Variants in FYB1 observed in about 807,000 individuals in gnomAD.
The protein encoded by FYB1 is FYN-binding protein 1.
FYB1 carries 41 observed loss-of-function variants against 94.1 expected under a neutral mutation model. The ratio of observed to expected loss-of-function variants is 0.44; its 90% CI spans 0.34 to 0.57. The LOEUF is 0.57. FYB1 is among the 20% of genes least tolerant of loss of function. FYB1 has a pLI of 0.02. For synonymous variants in FYB1, 367 were observed against 353.2 expected, an observed-to-expected ratio of 1.04 and a Z score of -0.44; for missense variants, 1,050 against 976.8, an observed-to-expected ratio of 1.07 and a Z score of -1.00.
At chr5:39,170,412 C>T (rs1184491843) in intron 2 of FYB1, 22 of 508,418 alleles carry the variant, frequency 4.3e-5, no homozygotes, top group South Asian at 1.4e-4. Flanking sequence ...CGTCCTGGGC[C>T]GGACCCCCTC....
chr5:39,270,184 C>T (rs1482053380), intron 1 of FYB1, among the ~76,000 whole-genome samples: 1 of 152,184 alleles, frequency 6.6e-6, no homozygotes, highest in East Asian at 1.9e-4. Flanking sequence ...CAATCACCAT[C>T]ATTAATGTTT....
At chr5:39,213,140 A>G (rs1749567305) in intron 1 of FYB1, 2 of 152,150 alleles carry the variant, frequency 1.3e-5, no homozygotes, top group African/African-American at 4.8e-5. Flanking sequence ...ATTTTAAAAT[A>G]ACATTTCACA....
chr5:39,176,482 A>G (rs1352764473), intron 2 of FYB1, among the ~76,000 whole-genome samples: 1 of 152,034 alleles, frequency 6.6e-6, no homozygotes, highest in African/African-American at 2.4e-5. Context: ...TAAGAACAAC[A>G]TGTTTAGAAA....
chr5:39,258,321 C>T (rs533372485), intron 1 of FYB1, among the ~76,000 whole-genome samples: 270 of 152,182 alleles, frequency 1.8e-3, no homozygotes, highest in African/African-American at 6.3e-3. Context: ...TGAAGCTAGC[C>T]GGGCGTGGTG....
chr5:39,254,066 G>T (rs115593878), intron 1 of FYB1, among the ~76,000 whole-genome samples: 1 of 152,136 alleles, frequency 6.6e-6, no homozygotes, highest in Non-Finnish European at 1.5e-5. Flanking sequence ...TGGTGTATAT[G>T]TACCACGTTT....
chr5:39,183,890 T>C (rs941589989), intron 2 of FYB1, among the ~76,000 whole-genome samples: 10 of 152,136 alleles, frequency 6.6e-5, no homozygotes, highest in African/African-American at 2.4e-4. Context: ...ATCTTCATTT[T>C]TAAAAAGCAT....
At chr5:39,135,496 C>T (rs1741605056) in intron 7 of FYB1, among the ~76,000 whole-genome samples, 1 of 152,120 alleles carries the variant, frequency 6.6e-6, no homozygotes, top group South Asian at 2.1e-4. Flanking sequence ...TAATAGCAAG[C>T]AAATGTTACA....
intron 6 of FYB1, chr5:39,138,077 C>A: frequency 4.4e-6 from 1 of 225,170 alleles, no homozygotes; most frequent in Non-Finnish European, 8.7e-6. Context: ...CACATATAAA[C>A]CTTGGCTCTG....
At chr5:39,139,425 G>T in intron 4 of FYB1, 173 bp from the exon 5 acceptor site, 1 of 497,084 alleles carries the variant, frequency 2.0e-6, no homozygotes, top group Admixed American at 4.3e-5. Flanking sequence ...TCTTTACTAT[G>T]GCTTTTATTT....
At chr5:39,108,091 A>G (rs1403638944) in intron 18 of FYB1, 140 bp downstream of exon 18, 1 of 763,926 alleles carries the variant, frequency 1.3e-6, no homozygotes, top group African/African-American at 1.8e-5. Flanking sequence ...ATGCCAGGGC[A>G]TTTACCTTTT....
At chr5:39,204,086 C>A (rs536000221) in intron 1 of FYB1, among the ~76,000 whole-genome samples, 4 of 152,288 alleles carry the variant, frequency 2.6e-5, no homozygotes, top group African/African-American at 9.6e-5. Flanking sequence ...CATCCCCCAC[C>A]TTTCATTGCC....
At chr5:39,111,406 C>T (rs139438894) in intron 16 of FYB1, among the ~76,000 whole-genome samples, 1 of 151,716 alleles carries the variant, frequency 6.6e-6, no homozygotes, top group Non-Finnish European at 1.5e-5. Context: ...AAGGAGAAAG[C>T]TCATAAGCAA....
intron 3 of FYB1, among the ~76,000 whole-genome samples, chr5:39,152,195 C>T (rs1040596280): frequency 2.0e-5 from 3 of 152,168 alleles, no homozygotes; most frequent in Non-Finnish European, 2.9e-5. Flanking sequence ...TATAAATGCA[C>T]AACGCAGGTC....
At chr5:39,108,620 TC>T (rs1246439383) in intron 17 of FYB1, among the ~76,000 whole-genome samples, 1 of 152,124 alleles carries the variant, frequency 6.6e-6, no homozygotes, top group Non-Finnish European at 1.5e-5. Context: ...TCTGTTAATA[TC>T]AGATTCATAC....
chr5:39,265,217 C>T (rs769428606), intron 1 of FYB1, among the ~76,000 whole-genome samples: 6 of 152,096 alleles, frequency 3.9e-5, no homozygotes, highest in Non-Finnish European at 5.9e-5. Flanking sequence ...TGTGGTGGCT[C>T]ACGCCTGTAA....
Position 39,165,357 on chromosome 5 carries a change from T to C in FYB1, c.1136-11753A>G, listed in dbSNP as rs371124685. On this transcript the variant is annotated intron_variant, in intron 2 of 18. Transcript: ENST00000512982. ...GCCACATACCCACAGCCAACTGATC[T>C]TTGACAAAGTCGACAAAAATGTACA... 7.2e-5 allele frequency among the ~76,000 whole-genome samples: 11 copies of C among 152,290 alleles called. No individual in the cohort carries two copies. The South Asian group carries it at 1.2e-3, about 17-fold the overall frequency.
At position 39,270,668 on chromosome 5, in the gene FYB1, T is replaced by A; in HGVS notation, c.-28+3735A>T. 5 of 1,226,260 alleles carry A rather than the reference T, an allele frequency of 4.1e-6. No individual in the cohort carries two copies. The Admixed American group carries it at 1.1e-4, about 27-fold the overall frequency. 76.0% of individuals were successfully genotyped at this position (1,226,260 alleles called of 1,614,324 possible). ...GCAAGTTAGCTATGCAGAGTGTACT[T>A]CCTTTTCTGAGCTGTGTGGTCTGTC... On this transcript the variant is annotated intron_variant, in intron 1 of 1. Coordinates refer to the FYB1 transcript ENST00000510188.
chr5:39,259,178 T>C (rs1489390164), intron 1 of FYB1, among the ~76,000 whole-genome samples: 2 of 152,200 alleles, frequency 1.3e-5, no homozygotes, highest in Non-Finnish European at 2.9e-5. Context: ...AGACCAGAGA[T>C]GCTACTAAAC....
chr5:39,175,301 A>G (rs1325513856), intron 2 of FYB1, among the ~76,000 whole-genome samples: 1 of 152,196 alleles, frequency 6.6e-6, no homozygotes, highest in Non-Finnish European at 1.5e-5. Flanking sequence ...TGGGTTAGAC[A>G]TCTATCAGAC....
Sources: allele counts gnomAD v4.1 joint callset (sites outside exome capture counted in the v4.1 genomes callset), GRCh38; gene constraint gnomAD v4.1.1; transcripts MANE v1.5; gene names NCBI Gene and HGNC (gene_info 2026-07-23, HGNC 2026-07-21).